Variants in RCOR1 observed in about 807,000 individuals in gnomAD.
The protein encoded by RCOR1 is REST corepressor 1.
RCOR1 carries 12 observed loss-of-function variants against 64.0 expected under a neutral mutation model. That is an observed-to-expected ratio of 0.19 (90% CI 0.12 to 0.30). The LOEUF is 0.30. Ranked by LOEUF, RCOR1 falls within the 10% of genes least tolerant of loss-of-function variation. RCOR1 has a pLI of 1.00. For synonymous variants in RCOR1, 279 were observed against 227.2 expected, an observed-to-expected ratio of 1.23 and a Z score of -2.05; for missense variants, 502 against 621.2, an observed-to-expected ratio of 0.81 and a Z score of 2.04.
chr14:102,658,240 G>A (rs1362608488), intron 2 of RCOR1, among the ~76,000 whole-genome samples: 4 of 152,148 alleles, frequency 2.6e-5, no homozygotes, highest in African/African-American at 7.2e-5. Context: ...TTCCCAAAGT[G>A]TTGGGGTTAC....
At chr14:102,692,710 C>CTCATTCCT (rs1555466542) in intron 3 of RCOR1, among the ~76,000 whole-genome samples, 1 of 118,684 alleles carries the variant, frequency 8.4e-6, no homozygotes, top group Non-Finnish European at 1.7e-5. Context: ...AACTACATCT[C>CTCATTCCT]TCCTTCCTTC....
chr14:102,678,369 G>T (rs992743871), intron 2 of RCOR1, among the ~76,000 whole-genome samples: 37 of 152,260 alleles, frequency 2.4e-4, no homozygotes, highest in African/African-American at 8.7e-4. Context: ...GCGCGATCTT[G>T]GCTCACTGCA....
intron 5 of RCOR1, 129 bp downstream of exon 5, chr14:102,707,641 T>G: frequency 1.2e-6 from 1 of 811,148 alleles, no homozygotes; most frequent in Non-Finnish European, 1.9e-6. Flanking sequence ...CCCTTTAGAT[T>G]CAGCTTAGTA....
chr14:102,620,134 A>G (rs893817418), intron 2 of RCOR1, among the ~76,000 whole-genome samples: 1 of 152,142 alleles, frequency 6.6e-6, no homozygotes, highest in African/African-American at 2.4e-5. Flanking sequence ...TCACTTCTGT[A>G]ATCCCAGCAC....
intron 2 of RCOR1, among the ~76,000 whole-genome samples, chr14:102,636,313 T>G (rs1057022603): frequency 6.6e-6 from 1 of 151,926 alleles, no homozygotes; most frequent in African/African-American, 2.4e-5. Context: ...GTTTTGCTCT[T>G]GTCGCCCAGG....
intron 8 of RCOR1, among the ~76,000 whole-genome samples, chr14:102,720,313 C>G (rs1466913670): frequency 6.6e-6 from 1 of 152,174 alleles, no homozygotes; most frequent in East Asian, 1.9e-4. Context: ...AATTAAGGAG[C>G]AGCCATAGCC....
intron 2 of RCOR1, among the ~76,000 whole-genome samples, chr14:102,642,417 C>T (rs578076820): frequency 1.3e-5 from 2 of 152,222 alleles, no homozygotes; most frequent in Admixed American, 1.3e-4. Context: ...TTGTTGAATG[C>T]GTTTCTTCAT....
rs144231370 is a variant in RCOR1, at chr14:102,672,310, C to T, written c.362-9585C>T. On this transcript the variant is annotated intron_variant, in intron 2 of 11. Transcript: ENST00000262241. The stretch of plus-strand genomic sequence containing the variant: ...TCACTGCAAGCTCCACCTCCTGTTA[C>T]GCCATTTTCCTGCCTTAGCCTCCCG... Among the ~76,000 whole-genome samples, 119 of 152,014 alleles carry T rather than the reference C, an allele frequency of 7.8e-4. No individual in the cohort carries two copies. The East Asian group carries it at 0.018, about 23-fold the overall frequency.
chr14:102,595,316 A>G (rs1893218848), intron 2 of RCOR1, among the ~76,000 whole-genome samples: 1 of 152,102 alleles, frequency 6.6e-6, no homozygotes, highest in African/African-American at 2.4e-5. Context: ...AGCCTGGGCA[A>G]TGTAGTCAGA....
intron 2 of RCOR1, among the ~76,000 whole-genome samples, chr14:102,675,026 C>T (rs938834558): frequency 6.6e-5 from 8 of 120,968 alleles, no homozygotes; most frequent in African/African-American, 2.0e-4. Flanking sequence ...CTAGCCTGGG[C>T]GACAGAGCAA....
At chr14:102,691,433 C>CT (rs1895531529) in intron 3 of RCOR1, among the ~76,000 whole-genome samples, 1 of 152,058 alleles carries the variant, frequency 6.6e-6, no homozygotes, top group Non-Finnish European at 1.5e-5. Flanking sequence ...TGCACACGTG[C>CT]CCCCGATTCT....
At chr14:102,634,601 C>T (rs199941672) in intron 2 of RCOR1, among the ~76,000 whole-genome samples, 1 of 150,722 alleles carries the variant, frequency 6.6e-6, no homozygotes, top group Non-Finnish European at 1.5e-5. Flanking sequence ...GTTTATATTA[C>T]GTGTGTGTGT....
intron 2 of RCOR1, among the ~76,000 whole-genome samples, chr14:102,601,868 C>G (rs141375673): frequency 1.1e-3 from 164 of 152,226 alleles, no homozygotes; most frequent in Middle Eastern, 6.8e-3. Flanking sequence ...TGTCAGAATT[C>G]CCATACGTGT....
chr14:102,696,405 G>A (rs1040160879), intron 3 of RCOR1, among the ~76,000 whole-genome samples: 4 of 152,162 alleles, frequency 2.6e-5, no homozygotes, highest in African/African-American at 4.8e-5. Flanking sequence ...ATGGTAAAAC[G>A]CAGTGGATGG....
chr14:102,613,885 CTTTTTTTTTTT>C (rs71119719), intron 2 of RCOR1, among the ~76,000 whole-genome samples: 6 of 55,498 alleles, frequency 1.1e-4, no homozygotes, highest in South Asian at 7.2e-4. Flanking sequence ...ATTAACTATT[CTTTTTTTTTTT>C]TTTTTTTTTT....
At chr14:102,713,383 C>T (rs998589642) in intron 7 of RCOR1, among the ~76,000 whole-genome samples, 1 of 151,044 alleles carries the variant, frequency 6.6e-6, no homozygotes, top group Non-Finnish European at 1.5e-5. Flanking sequence ...CTCAGCCTCC[C>T]GCCATTCTCC....
intron 4 of RCOR1, among the ~76,000 whole-genome samples, chr14:102,704,465 T>C (rs1405554504): frequency 2.6e-5 from 4 of 152,228 alleles, no homozygotes; most frequent in African/African-American, 9.6e-5. Context: ...GGAGTCTCAC[T>C]CTGTCACCCA....
At chr14:102,654,871 T>C (rs1014502405) in intron 2 of RCOR1, among the ~76,000 whole-genome samples, 1 of 147,444 alleles carries the variant, frequency 6.8e-6, no homozygotes, top group Non-Finnish European at 1.5e-5. Context: ...TGCAGTGACA[T>C]GATCAAGGCT....
chr14:102,654,796 T>C (rs962492698), intron 2 of RCOR1, among the ~76,000 whole-genome samples: 3 of 150,316 alleles, frequency 2.0e-5, no homozygotes, highest in Non-Finnish European at 4.4e-5. Context: ...GTTTTTTTTT[T>C]TTTTTTTTTT....
Sources: gnomAD v4.1 joint callset for allele counts (sites outside exome capture counted in the v4.1 genomes callset) on GRCh38, gnomAD v4.1.1 for gene constraint, MANE v1.5 for transcripts, NCBI Gene and HGNC (gene_info 2026-07-23, HGNC 2026-07-21) for gene names.